RAD18: variants seen among roughly 807,000 people sequenced by gnomAD.
RAD18 encodes RAD18 E3 ubiquitin protein ligase.
Under a neutral mutation model 60.4 loss-of-function variants are expected in RAD18, and 47 were observed. The ratio of observed to expected loss-of-function variants is 0.78; its 90% CI spans 0.62 to 0.99. The LOEUF (loss-of-function observed/expected upper bound fraction) is 0.99. Ranked by LOEUF, RAD18 falls within the 50% of genes least tolerant of loss-of-function variation. The pLI, the probability that RAD18 is intolerant of heterozygous loss-of-function variation, is 0.00. For missense variants in RAD18, 640 were observed against 593.3 expected (o/e 1.08, Z -0.82); for synonymous variants, 225 against 195.5 (o/e 1.15, Z -1.26).
chr3:8,927,598 G>C (rs535944802), intron 7 of RAD18, among the ~76,000 whole-genome samples: 10 of 152,302 alleles, frequency 6.6e-5, no homozygotes, highest in Non-Finnish European at 1.3e-4. Context: ...CTGCTATTAA[G>C]ACACATGCAC....
chr3:8,912,249 T>C (rs1940116522), intron 9 of RAD18, 63 bp downstream of exon 9: 2 of 1,239,052 alleles, frequency 1.6e-6, no homozygotes, highest in South Asian at 1.4e-5. Flanking sequence ...TTCTGAAAAA[T>C]TACTTAAGAT....
intron 7 of RAD18, among the ~76,000 whole-genome samples, chr3:8,914,307 A>G (rs1466637642): frequency 1.3e-5 from 2 of 152,248 alleles, no homozygotes; most frequent in Non-Finnish European, 2.9e-5. Context: ...AAGTCAATAC[A>G]TTAAAACTGA....
At chr3:8,886,721 T>C (rs558986129) in intron 12 of RAD18, among the ~76,000 whole-genome samples, 3 of 152,166 alleles carry the variant, frequency 2.0e-5, no homozygotes, top group Non-Finnish European at 2.9e-5. Context: ...GAATGTCAAC[T>C]GCTATCTAGA....
At chr3:8,939,401 G>T (rs957275194) in intron 6 of RAD18, among the ~76,000 whole-genome samples, 153 bp downstream of exon 6, 6 of 152,146 alleles carry the variant, frequency 3.9e-5, no homozygotes, top group Non-Finnish European at 8.8e-5. Flanking sequence ...AGAGGAGAGG[G>T]ATTGGAAGAA....
At chr3:8,913,916 A>T (rs925047109) in intron 7 of RAD18, among the ~76,000 whole-genome samples, 196 bp from the exon 8 acceptor site, 3 of 152,236 alleles carry the variant, frequency 2.0e-5, no homozygotes, top group African/African-American at 7.2e-5. Flanking sequence ...TGGAGTTAAA[A>T]CACTGAACTC....
Position 8,902,400 on chromosome 3 carries a change from T to A in RAD18, c.1148A>T (p.Lys383Met). Residue 383 changes from lysine (K) to methionine (M), a missense_variant, in exon 10 of 13, where the codon AAG (lysine) becomes ATG (methionine). Coordinates refer to ENST00000264926, the MANE Select transcript of RAD18 (RefSeq NM_020165.4). ...CTTACCCATGCATACAGAAGATAGC[T>A]TTTCTGTAGATTCATCTTCTTTTGT... ...TITKEDESTEKLSSVCMGQED... is the reference protein window; with the variant it reads ...TITKEDESTEMLSSVCMGQED... 1 of 1,604,106 alleles carries A rather than the reference T, an allele frequency of 6.2e-7. No individual in the cohort carries two copies.
At chr3:8,901,315 C>T (rs917021977) in intron 10 of RAD18, among the ~76,000 whole-genome samples, 3 of 152,242 alleles carry the variant, frequency 2.0e-5, no homozygotes, top group Middle Eastern at 3.4e-3. Context: ...AATCAGAAAT[C>T]GCACTCTAAG....
At chr3:8,912,525 T>A (rs561033027) in intron 8 of RAD18, 153 bp from the exon 9 acceptor site, 1 of 461,792 alleles carries the variant, frequency 2.2e-6, no homozygotes, top group East Asian at 3.7e-5. Context: ...ATCATTCCTA[T>A]GTACTTCCCT....
intron 7 of RAD18, among the ~76,000 whole-genome samples, chr3:8,924,615 C>T (rs1388697951): frequency 7.6e-6 from 1 of 131,850 alleles, no homozygotes; most frequent in African/African-American, 2.8e-5. Context: ...ATACACTCTT[C>T]TCAGCACCAC....
In RAD18 at chr3:8,925,763, A is replaced by G. The variant is rs1940422123; in HGVS notation, c.889+10108T>C. ...GATGCAAGGCTGGTTCAACATATGC[A>G]AATCAATAAATGTAATCCAGCATAT... is the stretch of plus-strand genomic sequence containing the variant. On this transcript the variant is annotated intron_variant, in intron 7 of 12. Transcript: ENST00000264926. Among the ~76,000 whole-genome samples, 4 of 152,334 alleles carry G rather than the reference A, an allele frequency of 2.6e-5. 1 individual carries two copies. The South Asian group carries it at 8.3e-4, about 32-fold the overall frequency.
chr3:8,925,860 A>T (rs1940423753), intron 7 of RAD18, among the ~76,000 whole-genome samples: 1 of 152,264 alleles, frequency 6.6e-6, no homozygotes, highest in South Asian at 2.1e-4. Context: ...AAAATTCAAC[A>T]GCCCTTCATG....
rs146276717 is a variant in RAD18 at position 8,885,687 on chromosome 3, T to A, written c.1386-4228A>T. Among the ~76,000 whole-genome samples, 7 of 152,342 alleles carry A rather than the reference T, an allele frequency of 4.6e-5. No homozygotes were observed. The East Asian group carries it at 1.4e-3, about 29-fold the overall frequency. Reference sequence around the variant, plus strand: ...AGAGGGAAAAGGGATTTAGGGTGAATGTGTGGACCAAACATACATATTCAA... The same window carrying A: ...AGAGGGAAAAGGGATTTAGGGTGAAAGTGTGGACCAAACATACATATTCAA... On this transcript the variant is annotated intron_variant, in intron 12 of 12. Coordinates refer to ENST00000264926, the MANE Select transcript of RAD18 (RefSeq NM_020165.4).
chr3:8,889,521 C>G (rs937720286), intron 12 of RAD18, among the ~76,000 whole-genome samples: 1 of 152,072 alleles, frequency 6.6e-6, no homozygotes, highest in African/African-American at 2.4e-5. Context: ...CTGTAAGCGC[C>G]TACTGTAGGA....
intron 10 of RAD18, among the ~76,000 whole-genome samples, chr3:8,900,874 T>C (rs1331050980): frequency 1.3e-5 from 2 of 152,194 alleles, no homozygotes; most frequent in Non-Finnish European, 2.9e-5. Context: ...GAAAGAGTAA[T>C]ATTGATGTTC....
At chr3:8,902,284 A>G in intron 10 of RAD18, 96 bp downstream of exon 10, 1 of 1,179,342 alleles carries the variant, frequency 8.5e-7, no homozygotes, top group Non-Finnish European at 1.1e-6. Context: ...TCAAAGAACT[A>G]AGAACTCCAA....
At chr3:8,961,225 C>T (rs918993357) in intron 1 of RAD18, among the ~76,000 whole-genome samples, 1 of 152,162 alleles carries the variant, frequency 6.6e-6, no homozygotes, top group Non-Finnish European at 1.5e-5. Context: ...AAGACAGTAA[C>T]ATGCATATCA....
At position 8,890,436 on chromosome 3, in the gene RAD18, G is replaced by T. The variant is rs1322055820; in HGVS notation, c.1338C>A (p.Ile446=). The T allele has an allele frequency of 6.3e-7, 1 of 1,591,934 alleles. No individual in the cohort carries two copies. Among genetic ancestry groups the T allele is most frequent in the Non-Finnish European group, 8.6e-7 (1 of 1,159,904 alleles). ...SDSCNSSSSD[I]IRDLLEEEEA... is the part of the protein sequence containing the mutation. ...CCTCTTCTTCTAAAAGATCTCTTAT[G>T]ATGTCTGAACTGGAACTAAAAGGAT... Residue 446 remains isoleucine, a synonymous_variant, in exon 12 of 13, where the codon ATC becomes ATA. Coordinates refer to ENST00000264926, the MANE Select transcript of RAD18 (RefSeq NM_020165.4).
chr3:8,963,212 T>C (rs1941118266), intron 1 of RAD18, 123 bp downstream of exon 1: 6 of 1,101,576 alleles, frequency 5.4e-6, no homozygotes, highest in Admixed American at 2.8e-5. Context: ...CAGAGCCGGA[T>C]ACCCGGGCCC....
intron 7 of RAD18, among the ~76,000 whole-genome samples, chr3:8,917,386 T>G (rs943155925): frequency 6.6e-6 from 1 of 152,164 alleles, no homozygotes; most frequent in Admixed American, 6.5e-5. Flanking sequence ...AACATGAAGA[T>G]AAGTATAAAA....
Sources: gnomAD v4.1 joint callset for allele counts (sites outside exome capture counted in the v4.1 genomes callset) on GRCh38, gnomAD v4.1.1 for gene constraint, MANE v1.5 for transcripts, NCBI Gene and HGNC (gene_info 2026-07-23, HGNC 2026-07-21) for gene names.